Variants in SLC14A2 observed in about 807,000 individuals in gnomAD.
The protein encoded by SLC14A2 is solute carrier family 14 member 2.
Under a neutral mutation model 104.6 loss-of-function variants are expected in SLC14A2, and 91 were observed. The ratio of observed to expected loss-of-function variants is 0.87; its 90% CI spans 0.73 to 1.04. The LOEUF (loss-of-function observed/expected upper bound fraction) is 1.04, where lower values mean the gene tolerates loss of function less well. Ranked by LOEUF, SLC14A2 falls within the 50% of genes least tolerant of loss-of-function variation. SLC14A2 has a pLI of 0.00. For missense variants in SLC14A2, 1,189 were observed against 1,156.0 expected (o/e 1.03, Z -0.41); for synonymous variants, 476 against 466.4 (o/e 1.02, Z -0.27).
chr18:45,194,426 T>C, the SLC14A2 span, among the ~76,000 whole-genome samples: 3 of 152,208 alleles, frequency 2.0e-5, no homozygotes, highest in Admixed American at 6.5e-5. Context: ...TCAAATTCTA[T>C]GGAAATGATC....
chr18:45,257,179 C>A (rs1167461924), intron 1 of SLC14A2, among the ~76,000 whole-genome samples: 2 of 152,174 alleles, frequency 1.3e-5, no homozygotes, highest in Admixed American at 6.5e-5. Context: ...TTTAGTGACA[C>A]ATTTTCAAAG....
intron 1 of SLC14A2, among the ~76,000 whole-genome samples, chr18:45,361,380 A>C (rs1038903737): frequency 6.6e-6 from 1 of 152,178 alleles, no homozygotes; most frequent in Non-Finnish European, 1.5e-5. Context: ...TTGGCAGCCC[A>C]TGGACACATT....
At chr18:45,168,922 G>A in the SLC14A2 span, 1 of 152,162 alleles carries the variant, frequency 6.6e-6, no homozygotes, top group Non-Finnish European at 1.5e-5. Flanking sequence ...CATAAAGGGT[G>A]TTTTATGGTT....
intron 2 of SLC14A2, among the ~76,000 whole-genome samples, chr18:45,536,528 T>C (rs1208520132): frequency 6.6e-6 from 1 of 152,192 alleles, no homozygotes; most frequent in East Asian, 1.9e-4. Flanking sequence ...TCACATGGCC[T>C]TCTCTGTGTG....
chr18:45,523,582 G>C (rs1047960259), intron 2 of SLC14A2, among the ~76,000 whole-genome samples: 1 of 148,696 alleles, frequency 6.7e-6, no homozygotes, highest in African/African-American at 2.5e-5. Context: ...TGATCAGCCT[G>C]CCTTGGCCTC....
chr18:45,286,474 T>C (rs1367597637), intron 1 of SLC14A2, among the ~76,000 whole-genome samples: 1 of 152,162 alleles, frequency 6.6e-6, no homozygotes, highest in Non-Finnish European at 1.5e-5. Context: ...AGTTCCAAAT[T>C]TTAGAATCCA....
chr18:45,410,065 G>A (rs1190710426), intron 1 of SLC14A2, among the ~76,000 whole-genome samples: 1 of 152,184 alleles, frequency 6.6e-6, no homozygotes, highest in Non-Finnish European at 1.5e-5. Flanking sequence ...CTCATAAGGA[G>A]CACACAACCT....
At chr18:45,673,842 G>A (rs780823896) in intron 18 of SLC14A2, 25 bp downstream of exon 18, 33 of 1,601,834 alleles carry the variant, frequency 2.1e-5, no homozygotes, top group Non-Finnish European at 5.1e-6. Context: ...CAGAGGATTT[G>A]TTTCCTTTAT....
chr18:45,405,830 T>C (rs1385560306), intron 1 of SLC14A2, among the ~76,000 whole-genome samples: 1 of 145,256 alleles, frequency 6.9e-6, no homozygotes, highest in Non-Finnish European at 1.5e-5. Context: ...ACCCAGAAGA[T>C]GGAGGTTGCA....
chr18:45,502,296 A>G (rs941281293), intron 2 of SLC14A2, among the ~76,000 whole-genome samples: 6 of 152,214 alleles, frequency 3.9e-5, no homozygotes, highest in African/African-American at 1.4e-4. Flanking sequence ...TGTTTCACAT[A>G]TCATCTTGAA....
intron 2 of SLC14A2, among the ~76,000 whole-genome samples, chr18:45,497,247 C>T (rs1470816732): frequency 6.6e-6 from 1 of 152,192 alleles, no homozygotes; most frequent in Admixed American, 6.5e-5. Context: ...GCTTCCTGGA[C>T]TCTTGCAAGC....
chr18:45,532,893 A>C (rs1400744653), intron 2 of SLC14A2, among the ~76,000 whole-genome samples: 1 of 152,140 alleles, frequency 6.6e-6, no homozygotes, highest in Non-Finnish European at 1.5e-5. Flanking sequence ...ATTTATTGAG[A>C]GTTTTTAGCA....
At chr18:45,586,230 T>C (rs1327092892) in intron 2 of SLC14A2, among the ~76,000 whole-genome samples, 1 of 152,146 alleles carries the variant, frequency 6.6e-6, no homozygotes, top group Non-Finnish European at 1.5e-5. Context: ...AAGGCTGCCC[T>C]GAGGAGACCT....
intron 1 of SLC14A2, among the ~76,000 whole-genome samples, chr18:45,291,228 A>T (rs2084866072): frequency 1.3e-5 from 2 of 152,202 alleles, no homozygotes; most frequent in African/African-American, 4.8e-5. Flanking sequence ...TATAGGATAC[A>T]TAAGGCTTTA....
At chr18:45,587,922 C>G (rs543129124) in intron 2 of SLC14A2, among the ~76,000 whole-genome samples, 1 of 152,306 alleles carries the variant, frequency 6.6e-6, no homozygotes, top group Admixed American at 6.5e-5. Flanking sequence ...GATGCCACCG[C>G]TATCCCCATT....
the SLC14A2 span, among the ~76,000 whole-genome samples, chr18:45,207,682 T>C: frequency 1.3e-5 from 2 of 152,158 alleles, no homozygotes; most frequent in Non-Finnish European, 2.9e-5. Flanking sequence ...CTGCCGAATG[T>C]AATGTGAAGA....
chr18:45,193,574 GTCTA>G, the SLC14A2 span, among the ~76,000 whole-genome samples: 3 of 152,092 alleles, frequency 2.0e-5, no homozygotes, highest in East Asian at 1.9e-4. Flanking sequence ...TGATATATTT[GTCTA>G]TCTTTCTGTG....
chr18:45,414,751 A>ATAT lies in SLC14A2; in HGVS notation c.-124-68482_-124-68481insTAT, dbSNP rs1568189973. On this transcript the variant is annotated intron_variant, in intron 1 of 20. Coordinates refer to the SLC14A2 transcript ENST00000586448. The stretch of plus-strand genomic sequence containing the variant: ...GGTGCAAGGCACCGAGCGTAAAAAA[A>ATAT]AAAAAAATATATATATATATATATA... Among the ~76,000 whole-genome samples, 19 of 70,884 alleles carry ATAT rather than the reference A, an allele frequency of 2.7e-4. 1 individual carries two copies. Among genetic ancestry groups the ATAT allele is most frequent in the African/African-American group, 1.1e-3 (18 of 17,076 alleles). The allele number at this position is 70,884 out of a possible 152,430, so 46.5% of individuals were successfully genotyped here. A position where few individuals can be genotyped will look rare whatever the true frequency, so the allele number is the denominator to read the frequency against.
chr18:45,482,179 G>A (rs188266840), intron 1 of SLC14A2, among the ~76,000 whole-genome samples: 8 of 152,184 alleles, frequency 5.3e-5, no homozygotes, highest in East Asian at 1.9e-4. Context: ...AAAGAAGAAC[G>A]TGTACCAATG....
Sources: allele counts gnomAD v4.1 joint callset (sites outside exome capture counted in the v4.1 genomes callset), GRCh38; gene constraint gnomAD v4.1.1; transcripts MANE v1.5; gene names NCBI Gene and HGNC (gene_info 2026-07-23, HGNC 2026-07-21).